The following RIF1 variants were observed in gnomAD, a reference collection of about 807,000 sequenced individuals.
RIF1 encodes the protein replication timing regulatory factor 1, also known as telomere-associated protein RIF1.
In RIF1, 45 loss-of-function variants were observed where a neutral mutation model predicts 247.1. The observed-to-expected ratio is 0.18, with a 90% confidence interval of 0.14 to 0.23. The LOEUF (loss-of-function observed/expected upper bound fraction) is 0.23, where lower values mean the gene tolerates loss of function less well. RIF1 is among the 10% of genes least tolerant of loss of function. RIF1 has a pLI of 1.00. For synonymous variants in RIF1, 1,087 were observed against 978.8 expected, an observed-to-expected ratio of 1.11 and a Z score of -2.06; for missense variants, 2,967 against 2,862.5, an observed-to-expected ratio of 1.04 and a Z score of -0.83.
intron 34 of RIF1, among the ~76,000 whole-genome samples, chr2:151,473,739 T>G (rs1389014914): frequency 6.6e-6 from 1 of 152,216 alleles, no homozygotes; most frequent in Admixed American, 6.5e-5. Flanking sequence ...TTATGAAATA[T>G]TGTTAAATTC....
chr2:151,491,645 G>A (rs1402311621), intron 9 of RIF1: 1 of 1,443,434 alleles, frequency 6.9e-7, no homozygotes. Context: ...ATACTAAATG[G>A]TGATGTTTAT....
At position 151,463,848 on chromosome 2, in the gene RIF1, G is replaced by T; in HGVS notation, c.4328G>T (p.Arg1443Leu). ...GAAAATAGTCATCAAAAAAAGGAAC[G>T]ACGTAAGGAAGAAGAAAAACCTCTT... ...DKENSHQKKE[R>L]RKEEEKPLQK... is the part of the protein sequence containing the mutation. The change falls in exon 30 of 36, where the codon CGA becomes CTA. Residue 1443 changes from arginine to leucine, a missense_variant. Coordinates refer to ENST00000444746, the MANE Select transcript of RIF1 (RefSeq NM_018151.5). 2 of 1,611,880 alleles carry T rather than the reference G, an allele frequency of 1.2e-6. No homozygotes were observed. Among genetic ancestry groups the T allele is most frequent in the Non-Finnish European group, 1.7e-6 (2 of 1,179,546 alleles).
chr2:151,525,147 G>A, the RIF1 span: 1 of 1,583,364 alleles, frequency 6.3e-7, no homozygotes, highest in Non-Finnish European at 8.7e-7. Flanking sequence ...CAAGAGTGTT[G>A]AGAGGGAAAA....
chr2:151,502,010 G>A (rs2065035278), intron 11 of RIF1, among the ~76,000 whole-genome samples: 1 of 152,190 alleles, frequency 6.6e-6, no homozygotes, highest in African/African-American at 2.4e-5. Context: ...GAATTGCTGT[G>A]TTGTCTTTGA....
chr2:151,497,963 G>A, intron 10 of RIF1: 4 of 1,434,126 alleles, frequency 2.8e-6, no homozygotes, highest in Non-Finnish European at 3.6e-6. Flanking sequence ...TTTCATTTTT[G>A]TGAGTACGGT....
intron 3 of RIF1, 44 bp downstream of exon 3, chr2:151,411,382 G>A: frequency 7.9e-7 from 1 of 1,266,378 alleles, no homozygotes; most frequent in Non-Finnish European, 1.1e-6. Context: ...TTGGTAGTTT[G>A]GTTTTTTTTT....
intron 26 of RIF1, among the ~76,000 whole-genome samples, chr2:151,460,728 A>T (rs1293782185): frequency 2.0e-5 from 3 of 152,224 alleles, no homozygotes; most frequent in Non-Finnish European, 2.9e-5. Context: ...GTTCCAATGA[A>T]CATTTATTAA....
At position 151,481,828 on chromosome 2, in the gene RIF1, A is replaced by G. The variant is rs2049180189; in HGVS notation, c.*6757A>G. 6.6e-6 allele frequency: 1 copy of G among 152,244 alleles called. No homozygotes were observed. Among genetic ancestry groups the G allele is most frequent in the Non-Finnish European group, 1.5e-5 (1 of 68,046 alleles). The allele number at this position is 152,244 out of a possible 1,614,324, so 9.4% of individuals were successfully genotyped here. ...TGCAAGAGATCTAGGTTGTGCGCTC[A>G]TTATGAGAATCTAATACCCGATGAT... On this transcript the variant is annotated 3_prime_UTR_variant, in exon 36 of 36. Coordinates refer to ENST00000444746, the MANE Select transcript of RIF1 (RefSeq NM_018151.5).
chr2:151,482,562 A>G (rs369785825), downstream of RIF1, among the ~76,000 whole-genome samples: 4 of 152,244 alleles, frequency 2.6e-5, no homozygotes, highest in African/African-American at 7.2e-5. Context: ...CTGCCAGGCT[A>G]GTCACCAGAT....
Position 151,468,160 on chromosome 2 carries a change from T to G in RIF1, c.6747+14T>G, listed in dbSNP as rs1471724774. ...ACACAATCTAAGGTAAGCTATAGGC[T>G]TTAAAATATACATATATGTATACCG... On this transcript the variant is annotated intron_variant, in intron 31 of 35. Transcript: ENST00000444746. The G allele has an allele frequency of 6.3e-7, 1 of 1,593,540 alleles. No homozygotes were observed. The highest frequency in any genetic ancestry group is 1.1e-5 in the South Asian group (1 of 89,022).
downstream of RIF1, among the ~76,000 whole-genome samples, chr2:151,485,183 G>A (rs1574238740): frequency 6.6e-6 from 1 of 152,176 alleles, no homozygotes; most frequent in Non-Finnish European, 1.5e-5. Context: ...TGCAAGTATA[G>A]ATAGAATTTT....
rs748055413 is a variant in RIF1, at chr2:151,465,375, C to T, written c.5855C>T (p.Ser1952Phe). 6.2e-7 allele frequency: 1 copy of T among 1,613,650 alleles called. No homozygotes were observed. The highest frequency in any genetic ancestry group is 1.1e-5 in the South Asian group (1 of 90,966). ...AIEENKRNDDSEADTAKLNAK... is the reference protein window; with the variant it reads ...AIEENKRNDDFEADTAKLNAK... ...GAAGAAAATAAAAGAAATGATGACTCTGAAGCAGACACAGCTAAACTGAAT... is the reference window on the plus strand; with the variant it reads ...GAAGAAAATAAAAGAAATGATGACTTTGAAGCAGACACAGCTAAACTGAAT... The change falls in exon 30 of 36, where the codon TCT (serine) becomes TTT (phenylalanine). Residue 1952 changes from serine (S) to phenylalanine (F), a missense_variant. By Grantham distance (155) the Ser-to-Phe change is radical. Transcript: ENST00000444746.
In RIF1 at chr2:151,457,751, T is replaced by C. The variant is rs770693301; in HGVS notation, c.2653-10T>C. On this transcript the variant is annotated splice_polypyrimidine_tract_variant and intron_variant, in intron 23 of 35. Transcript: ENST00000444746. ...TATATGTTTTGCTTTTATTTTTTCG[T>C]TTTTCCTAGTTAGAAAAGCTACTGG... The C allele has an allele frequency of 2.5e-6, 4 of 1,610,644 alleles. No individual in the cohort carries two copies. The African/African-American group carries it at 5.3e-5, about 22-fold the overall frequency.
chr2:151,522,834 G>A, the RIF1 span, among the ~76,000 whole-genome samples: 4 of 152,232 alleles, frequency 2.6e-5, no homozygotes, highest in African/African-American at 7.2e-5. Flanking sequence ...GAGGTATTCC[G>A]CCTAGAGTAC....
In RIF1 at chr2:151,436,087, G is replaced by A. The variant is rs553669905; in HGVS notation, c.1195+507G>A. ...GAAAATAAAAAAATTAGCCGGGCGT[G>A]GTCGTGGGCCCCTGTAATAACCAGC... On this transcript the variant is annotated intron_variant, in intron 11 of 35. Transcript: ENST00000444746. Among the ~76,000 whole-genome samples the A allele has an allele frequency of 7.2e-5, 11 of 152,156 alleles. No homozygotes were observed. The South Asian group carries it at 2.3e-3, about 32-fold the overall frequency.
Position 151,454,914 on chromosome 2 carries a change from T to A in RIF1, c.2364T>A (p.Asp788Glu). The A allele has an allele frequency of 1.2e-6, 2 of 1,608,124 alleles. No individual in the cohort carries two copies. The highest frequency in any genetic ancestry group is 1.7e-6 in the Non-Finnish European group (2 of 1,176,828). Residue 788 changes from aspartate (D) to glutamate (E), a missense_variant, in exon 22 of 36, where the codon GAT becomes GAA. By Grantham distance (45) the Asp-to-Glu change is conservative. Around this residue, in one of 7 missense-constraint regions of RIF1, gnomAD observed 2,028 missense variants for 1,825.6 expected, o/e 1.11. Transcript: ENST00000444746. ...PKVKSPQRPS[D>E]WSKKKNEPLG... ...TTTTAGCACCACAGAGACCTTCAGA[T>A]TGGTCCAAAAAGAAGAATGAGCCCC...
the RIF1 span, among the ~76,000 whole-genome samples, chr2:151,518,114 A>C: frequency 6.6e-6 from 1 of 152,230 alleles, no homozygotes; most frequent in East Asian, 1.9e-4. Flanking sequence ...CCAGTAGCAC[A>C]TAATTGCATG....
chr2:151,439,537 G>A (rs576556910), intron 14 of RIF1, among the ~76,000 whole-genome samples: 130 of 151,556 alleles, frequency 8.6e-4, no homozygotes, highest in African/African-American at 3.1e-3. Context: ...GGTGGTGCAT[G>A]CCTGTAATCA....
At position 151,435,588 on chromosome 2, in the gene RIF1, G is replaced by A; in HGVS notation, c.1195+8G>A. The A allele has an allele frequency of 1.4e-6, 2 of 1,472,118 alleles. No homozygotes were observed. The highest frequency in any genetic ancestry group is 1.1e-5 in the South Asian group (1 of 87,694). 91.2% of individuals were successfully genotyped at this position (1,472,118 alleles called of 1,614,324 possible). On this transcript the variant is annotated splice_region_variant and intron_variant, in intron 11 of 35. Coordinates refer to ENST00000444746, the MANE Select transcript of RIF1 (RefSeq NM_018151.5). ...TGACTCCTGTACACAAAGGTAAGAG[G>A]TAGATATTCTTGTTTTTTGCTTTTT...
Sources: allele counts gnomAD v4.1 joint callset (sites outside exome capture counted in the v4.1 genomes callset), GRCh38; gene constraint gnomAD v4.1.1; regional missense constraint gnomAD v4.1.1; transcripts MANE v1.5; gene names NCBI Gene and HGNC (gene_info 2026-07-23, HGNC 2026-07-21).